Variants in CP observed in about 807,000 individuals in gnomAD.
CP encodes caeruloplasmin.
CP carries 64 observed loss-of-function variants against 122.4 expected under a neutral mutation model. That is an observed-to-expected ratio of 0.52 (90% confidence interval 0.43 to 0.64). The LOEUF (loss-of-function observed/expected upper bound fraction) is 0.64. Ranked by LOEUF, CP falls within the 30% of genes least tolerant of loss-of-function variation. The pLI is 0.00. For synonymous variants in CP, 440 were observed against 436.4 expected (o/e 1.01, Z -0.10); for missense variants, 1,167 against 1,284.4 (o/e 0.91, Z 1.40).
chr3:149,205,513 T>C (rs1727649866), intron 6 of CP, among the ~76,000 whole-genome samples: 1 of 151,954 alleles, frequency 6.6e-6, no homozygotes, highest in South Asian at 2.1e-4. Flanking sequence ...AACAGATGAA[T>C]GAATAAACAA....
chr3:149,211,761 A>G (rs1473040718), intron 2 of CP, among the ~76,000 whole-genome samples: 12 of 152,188 alleles, frequency 7.9e-5, no homozygotes, highest in Non-Finnish European at 1.5e-4. Context: ...AGATAAGGCA[A>G]TCCACATCTT....
Position 149,167,130 on chromosome 3 carries a change from C to T in CP, c.587-1080G>A, listed in dbSNP as rs964384154. 1.2e-6 allele frequency: 2 copies of T among 1,613,698 alleles called. No individual in the cohort carries two copies. Among genetic ancestry groups the T allele is most frequent in the Non-Finnish European group, 1.7e-6 (2 of 1,179,714 alleles). On this transcript the variant is annotated intron_variant, in intron 4 of 5. Coordinates refer to the CP transcript ENST00000479771. ...TATTGCCGGCCTCAGTGTCCATGTT[C>T]TGTGTCGTACACGCTTGAAAGAGTA...
At chr3:149,212,787 AAATT>A in intron 1 of CP, 89 bp from the exon 2 acceptor site, 1 of 1,439,686 alleles carries the variant, frequency 6.9e-7, no homozygotes, top group Admixed American at 1.9e-5. Context: ...ATAATTAGAG[AAATT>A]AATGAGCACA....
rs1245771385 is a variant in CP, at chr3:149,205,188, T to TA, written c.1208+979dup. Among the ~76,000 whole-genome samples the TA allele has an allele frequency of 1.5e-3, 210 of 140,992 alleles. 2 individuals are homozygous for TA. Among genetic ancestry groups the TA allele is most frequent in the African/African-American group, 3.8e-3 (146 of 38,776 alleles). 92.5% of individuals were successfully genotyped at this position (140,992 alleles called of 152,430 possible). A position where few individuals can be genotyped will look rare whatever the true frequency, so the allele number is the denominator to read the frequency against. The stretch of plus-strand genomic sequence containing the variant: ...TTATGCTCATTAGGATGGTTATTAT[T>TA]AAAAAAAAAAACAAAACAGAAAATA... On this transcript the variant is annotated intron_variant, in intron 6 of 18. Coordinates refer to ENST00000264613, the MANE Select transcript of CP (RefSeq NM_000096.4).
intron 9 of CP, among the ~76,000 whole-genome samples, chr3:149,197,538 C>T (rs1219841529): frequency 2.0e-5 from 3 of 151,520 alleles, no homozygotes; most frequent in African/African-American, 4.9e-5. Context: ...TGAATTAGAT[C>T]AAACTTTTAG....
In CP at chr3:149,221,812, C is replaced by G; in HGVS notation, c.-20G>C. The G allele has an allele frequency of 6.2e-7, 1 of 1,612,784 alleles. No homozygotes were observed. Among genetic ancestry groups the G allele is most frequent in the East Asian group, 2.2e-5 (1 of 44,806 alleles). ...CTTCATTTTTTTCCCCTTCTTGGAGCCTGAGAAGAAATGAAGTAAAATCAG... is the reference window on the plus strand; with the variant it reads ...CTTCATTTTTTTCCCCTTCTTGGAGGCTGAGAAGAAATGAAGTAAAATCAG... On this transcript the variant is annotated 5_prime_UTR_variant, in exon 1 of 19. Transcript: ENST00000264613.
downstream of CP, chr3:149,172,100 T>C: frequency 6.2e-7 from 1 of 1,612,664 alleles, no homozygotes; most frequent in Non-Finnish European, 8.5e-7. Flanking sequence ...CACAGAAACA[T>C]TGTCAATTGT....
chr3:149,212,731 G>A, intron 1 of CP, 33 bp from the exon 2 acceptor site: 1 of 1,609,658 alleles, frequency 6.2e-7, no homozygotes, highest in South Asian at 1.1e-5. Context: ...TCTATCAGAA[G>A]CCATCATTTC....
intron 6 of CP, among the ~76,000 whole-genome samples, chr3:149,202,923 T>TTC (rs1399017772): frequency 6.7e-6 from 1 of 148,154 alleles, no homozygotes; most frequent in Non-Finnish European, 1.5e-5. Context: ...TTTTTTTTTT[T>TTC]TCAGGTGGAG....
chr3:149,181,976 A>AGGGGGGGGGCC, intron 14 of CP, 29 bp downstream of exon 14: 1 of 561,808 alleles, frequency 1.8e-6, no homozygotes, highest in Non-Finnish European at 3.3e-6. Context: ...GTTAAAATGC[A>AGGGGGGGGGCC]CCACCCCCAC....
At chr3:149,195,927 G>A (rs550712664) in intron 9 of CP, among the ~76,000 whole-genome samples, 3 of 151,306 alleles carry the variant, frequency 2.0e-5, no homozygotes, top group African/African-American at 7.3e-5. Flanking sequence ...TGAGGTATGA[G>A]TATTTTACAT....
At chr3:149,193,429 AAGTTTTT>A (rs1726676165) in intron 9 of CP, among the ~76,000 whole-genome samples, 1 of 152,218 alleles carries the variant, frequency 6.6e-6, no homozygotes, top group Non-Finnish European at 1.5e-5. Flanking sequence ...AATAAGGCTG[AAGTTTTT>A]TTAATGATAT....
At position 149,213,464 on chromosome 3, in the gene CP, A is replaced by G. The variant is rs80178133; in HGVS notation, c.147-766T>C. ...AAAGAAAGTAAATTTGGTTTGAATTAATTTCTTGTGTTATCAACCTTAACT... is the reference window on the plus strand; with the variant it reads ...AAAGAAAGTAAATTTGGTTTGAATTGATTTCTTGTGTTATCAACCTTAACT... On this transcript the variant is annotated intron_variant, in intron 1 of 18. Coordinates refer to ENST00000264613, the MANE Select transcript of CP (RefSeq NM_000096.4). 3.0e-3 allele frequency among the ~76,000 whole-genome samples: 461 copies of G among 152,316 alleles called. 1 individual carries two copies. Among genetic ancestry groups the G allele is most frequent in the Admixed American group, 4.8e-3 (73 of 15,298 alleles).
chr3:149,215,059 T>C (rs900565305), intron 1 of CP, among the ~76,000 whole-genome samples: 2 of 152,206 alleles, frequency 1.3e-5, no homozygotes, highest in Non-Finnish European at 2.9e-5. Context: ...TTCTGAGAGA[T>C]TGATTTGATA....
intron 11 of CP, chr3:149,186,057 G>T: frequency 5.3e-6 from 1 of 187,576 alleles, no homozygotes; most frequent in Non-Finnish European, 1.1e-5. Context: ...TGTTTTACTC[G>T]TTCAGAGCCA....
At chr3:149,189,027 A>G (rs2108246971) in intron 9 of CP, among the ~76,000 whole-genome samples, 1 of 152,348 alleles carries the variant, frequency 6.6e-6, no homozygotes, top group South Asian at 2.1e-4. Context: ...GAAAGCTCCC[A>G]TAAATCAGAG....
chr3:149,166,316 C>T (rs534995009), intron 4 of CP, among the ~76,000 whole-genome samples: 2 of 152,170 alleles, frequency 1.3e-5, no homozygotes, highest in African/African-American at 2.4e-5. Context: ...TTTATTTTTG[C>T]ATATGTATGT....
At position 149,216,441 on chromosome 3, in the gene CP, C is replaced by T. The variant is rs1728461691; in HGVS notation, c.147-3743G>A. Reference sequence around the variant, plus strand: ...GTCACCCGTATGCCCTCCTAGGTGGCCCCTTTCATCTTCAAGTCAGCTTCA... The same window carrying T: ...GTCACCCGTATGCCCTCCTAGGTGGTCCCTTTCATCTTCAAGTCAGCTTCA... On this transcript the variant is annotated intron_variant, in intron 1 of 18. Transcript: ENST00000264613. Among the ~76,000 whole-genome samples, 3 of 152,284 alleles carry T rather than the reference C, an allele frequency of 2.0e-5. No individual in the cohort carries two copies. The South Asian group carries it at 6.2e-4, about 32-fold the overall frequency.
At chr3:149,190,709 T>G (rs1467942833) in intron 9 of CP, among the ~76,000 whole-genome samples, 1 of 143,400 alleles carries the variant, frequency 7.0e-6, no homozygotes, top group Non-Finnish European at 1.5e-5. Flanking sequence ...ACAACAAAAC[T>G]ACTCCTTTTT....
Sources: gnomAD v4.1 joint callset for allele counts (sites outside exome capture counted in the v4.1 genomes callset) on GRCh38, gnomAD v4.1.1 for gene constraint, MANE v1.5 for transcripts, NCBI Gene and HGNC (gene_info 2026-07-23, HGNC 2026-07-21) for gene names.